Variants in DNAJC12 observed in about 807,000 individuals in gnomAD.
The protein encoded by DNAJC12 is DnaJ heat shock protein family (Hsp40) member C12.
A neutral mutation model predicts 28.5 loss-of-function variants in DNAJC12; 25 were observed. The ratio of observed to expected loss-of-function variants is 0.88; its 90% CI spans 0.64 to 1.22. DNAJC12 has a LOEUF of 1.22. Among genes scored for constraint, DNAJC12 ranks in the 50% most tolerant of loss-of-function variants. DNAJC12 has a pLI of 0.00. For synonymous variants in DNAJC12, 77 were observed against 80.6 expected (o/e 0.95, Z 0.24); for missense variants, 222 against 231.7 (o/e 0.96, Z 0.27).
chr10:67,819,813 G>GAAGA (rs1300387768), intron 2 of DNAJC12, among the ~76,000 whole-genome samples: 1 of 150,680 alleles, frequency 6.6e-6, no homozygotes, highest in African/African-American at 2.5e-5. Flanking sequence ...AGGAAGGAAG[G>GAAGA]AAGGAATGTT....
intron 2 of DNAJC12, among the ~76,000 whole-genome samples, chr10:67,811,918 T>A (rs906129202): frequency 6.6e-6 from 1 of 152,064 alleles, no homozygotes; most frequent in Non-Finnish European, 1.5e-5. Flanking sequence ...CCGGTGCTGA[T>A]GACACAGATG....
Position 67,805,779 on chromosome 10 carries a change from G to A in DNAJC12, c.306C>T (p.His102=), listed in dbSNP as rs1373961824. The part of the protein sequence containing the change: ...ALNDSVKTSM[H]WVVRGKKDLM... ...GGTCTTTTTTACCTCTGACAACCCAGTGCATTGACTAAATTAATGTAAAGC... is the reference window on the plus strand; with the variant it reads ...GGTCTTTTTTACCTCTGACAACCCAATGCATTGACTAAATTAATGTAAAGC... Residue 102 remains histidine, a synonymous_variant, in exon 4 of 5, where the codon CAC becomes CAT. Coordinates refer to ENST00000225171, the MANE Select transcript of DNAJC12 (RefSeq NM_021800.3). 6 of 1,582,492 alleles carry A rather than the reference G, an allele frequency of 3.8e-6. No individual in the cohort carries two copies. In the South Asian group the frequency reaches 5.9e-5, roughly 16 times the overall value.
In DNAJC12 at chr10:67,811,774, G is replaced by A; in HGVS notation, c.158-111C>T. The A allele has an allele frequency of 2.7e-6, 4 of 1,487,872 alleles. No individual in the cohort carries two copies. The South Asian group carries it at 5.5e-5, about 20-fold the overall frequency. The allele number at this position is 1,487,872 out of a possible 1,614,324, so 92.2% of individuals were successfully genotyped here. A position where few individuals can be genotyped will look rare whatever the true frequency, so the allele number is the denominator to read the frequency against. The stretch of plus-strand genomic sequence containing the variant: ...CATGACTGCCACTTAATAGCTATGT[G>A]ACCTTGGGCCAATTTACCTCATTAA... On this transcript the variant is annotated intron_variant, in intron 2 of 4. Transcript: ENST00000225171.
At chr10:67,837,818 G>T in intron 1 of DNAJC12, 116 bp downstream of exon 1, 1 of 681,884 alleles carries the variant, frequency 1.5e-6, no homozygotes. Context: ...AACAACACAA[G>T]GTTAGGTTTG....
intron 4 of DNAJC12, among the ~76,000 whole-genome samples, chr10:67,802,994 C>T (rs1276556792): frequency 6.9e-6 from 1 of 144,930 alleles, no homozygotes; most frequent in African/African-American, 2.5e-5. Flanking sequence ...GCACGCACCA[C>T]CACTCCTGGC....
intron 1 of DNAJC12, among the ~76,000 whole-genome samples, chr10:67,826,765 TCTA>T (rs1842037369): frequency 8.4e-6 from 1 of 118,446 alleles, no homozygotes; most frequent in Admixed American, 9.6e-5. Flanking sequence ...ATATCTGATA[TCTA>T]ATGATATATA....
chr10:67,835,195 A>G (rs187063563), intron 1 of DNAJC12, among the ~76,000 whole-genome samples: 1 of 152,336 alleles, frequency 6.6e-6, no homozygotes, highest in Admixed American at 6.5e-5. Context: ...AATTGTGATA[A>G]GTAAAATTAG....
chr10:67,801,411 A>G (rs1463932684), intron 4 of DNAJC12, among the ~76,000 whole-genome samples: 1 of 152,226 alleles, frequency 6.6e-6, no homozygotes, highest in Non-Finnish European at 1.5e-5. Context: ...AGAAAAGCCA[A>G]TAATCTTTTA....
intron 4 of DNAJC12, among the ~76,000 whole-genome samples, chr10:67,798,088 C>T (rs1841697962): frequency 6.6e-6 from 1 of 150,926 alleles, no homozygotes; most frequent in Non-Finnish European, 1.5e-5. Context: ...TAATTTTACT[C>T]CTTGAAATGT....
At chr10:67,815,875 A>G (rs899758777) in intron 2 of DNAJC12, among the ~76,000 whole-genome samples, 2 of 152,220 alleles carry the variant, frequency 1.3e-5, no homozygotes, top group Non-Finnish European at 2.9e-5. Context: ...AAGTCCCTCA[A>G]CAACAGTTGA....
At chr10:67,805,474 T>C in intron 4 of DNAJC12, 109 bp downstream of exon 4, 2 of 1,165,822 alleles carry the variant, frequency 1.7e-6, no homozygotes, top group East Asian at 2.5e-5. Flanking sequence ...AACCAATCTT[T>C]AAACTTGGCA....
chr10:67,829,912 T>A (rs1180295974), intron 1 of DNAJC12, among the ~76,000 whole-genome samples: 1 of 152,102 alleles, frequency 6.6e-6, no homozygotes, highest in Non-Finnish European at 1.5e-5. Context: ...TATTATGTTA[T>A]ACTGCATATA....
intron 2 of DNAJC12, among the ~76,000 whole-genome samples, chr10:67,817,171 T>C (rs1841924654): frequency 6.6e-6 from 1 of 152,174 alleles, no homozygotes; most frequent in Non-Finnish European, 1.5e-5. Flanking sequence ...ATCCACTGAA[T>C]TAAAATTGCC....
chr10:67,835,493 C>T (rs1422813247), intron 1 of DNAJC12, among the ~76,000 whole-genome samples: 1 of 151,972 alleles, frequency 6.6e-6, no homozygotes, highest in East Asian at 1.9e-4. Context: ...AGATGAAGAC[C>T]ATCCTGGCCA....
chr10:67,807,120 G>GC (rs1564858793), intron 3 of DNAJC12, among the ~76,000 whole-genome samples: 1 of 151,320 alleles, frequency 6.6e-6, no homozygotes. Context: ...AATTAGTTGG[G>GC]CAAGGTAGTG....
At chr10:67,809,301 C>G (rs1046812654) in intron 3 of DNAJC12, among the ~76,000 whole-genome samples, 1 of 152,012 alleles carries the variant, frequency 6.6e-6, no homozygotes, top group Non-Finnish European at 1.5e-5. Flanking sequence ...TGGGTAAAAC[C>G]ATTTAGCATG....
intron 4 of DNAJC12, among the ~76,000 whole-genome samples, chr10:67,803,859 G>C (rs1841773192): frequency 6.6e-6 from 1 of 152,188 alleles, no homozygotes; most frequent in Non-Finnish European, 1.5e-5. Flanking sequence ...CCAGTTACTG[G>C]GTGATGCAAT....
At chr10:67,826,137 T>TACTAGGAGAAACCTACCTGATCA (rs1842026989) in intron 1 of DNAJC12, among the ~76,000 whole-genome samples, 1 of 72,102 alleles carries the variant, frequency 1.4e-5, no homozygotes, top group Non-Finnish European at 3.8e-5. Flanking sequence ...ATATCTTTTT[T>TACTAGGAGAAACCTACCTGATCA]TTTCTTTTTT....
chr10:67,819,662 G>A (rs1014722185), intron 2 of DNAJC12, among the ~76,000 whole-genome samples: 306 of 7,576 alleles, frequency 0.04, 6 homozygotes, highest in African/African-American at 0.11. Context: ...GAAAGAAAGA[G>A]AAAGAAAGAA....
Sources: gnomAD v4.1 joint callset for allele counts (sites outside exome capture counted in the v4.1 genomes callset) on GRCh38, gnomAD v4.1.1 for gene constraint, MANE v1.5 for transcripts, NCBI Gene and HGNC (gene_info 2026-07-23, HGNC 2026-07-21) for gene names.